Variants in SUFU observed in about 807,000 individuals in gnomAD.
The protein encoded by SUFU is SUFU negative regulator of hedgehog signaling.
Under a neutral mutation model 58.9 loss-of-function variants are expected in SUFU, and 7 were observed. The ratio of observed to expected loss-of-function variants is 0.12; its 90% CI spans 0.07 to 0.22. SUFU has a LOEUF of 0.22. Ranked by LOEUF, SUFU falls within the 10% of genes least tolerant of loss-of-function variation. SUFU has a pLI of 1.00. For synonymous variants in SUFU, 232 were observed against 254.8 expected (o/e 0.91, Z 0.85); for missense variants, 451 against 641.3 (o/e 0.70, Z 3.20).
At chr10:102,575,976 A>G (rs1351400944) in intron 3 of SUFU, among the ~76,000 whole-genome samples, 1 of 150,226 alleles carries the variant, frequency 6.7e-6, no homozygotes, top group Non-Finnish European at 1.5e-5. Context: ...GGCTGGGTCT[A>G]CTGGCACATG....
intron 3 of SUFU, among the ~76,000 whole-genome samples, chr10:102,559,375 A>G (rs1477273603): frequency 6.6e-6 from 1 of 151,022 alleles, no homozygotes; most frequent in South Asian, 2.1e-4. Flanking sequence ...AACACTCCCC[A>G]CCTAAGAAGC....
At chr10:102,610,887 G>A (rs1290546967) in intron 8 of SUFU, among the ~76,000 whole-genome samples, 3 of 152,232 alleles carry the variant, frequency 2.0e-5, no homozygotes, top group Non-Finnish European at 4.4e-5. Context: ...TCCCATGGGA[G>A]AAAGCCCGAG....
chr10:102,619,566 AC>A lies in SUFU; in HGVS notation c.1296+2141del. ...CGGAGGCCCCACACCCCAAGCACCC[AC>A]CCTTGATCACCGAGGGGTTTCTCAG... On this transcript the variant is annotated intron_variant, in intron 10 of 11. Coordinates refer to ENST00000369902, the MANE Select transcript of SUFU (RefSeq NM_016169.4). This position sits in a 1 kb window ranked among gnomAD's most constrained non-coding sequence, Gnocchi z 4.2. 2.1e-6 allele frequency: 2 copies of A among 962,154 alleles called. No homozygotes were observed. The highest frequency in any genetic ancestry group is 2.5e-6 in the Non-Finnish European group (2 of 785,774). 59.6% of individuals were successfully genotyped at this position (962,154 alleles called of 1,614,324 possible).
intron 2 of SUFU, among the ~76,000 whole-genome samples, chr10:102,524,364 T>C (rs1341554239): frequency 6.7e-6 from 1 of 149,566 alleles, no homozygotes; most frequent in Non-Finnish European, 1.5e-5. Flanking sequence ...CTAGCTCTGT[T>C]GCCCAGGCTG....
intron 3 of SUFU, among the ~76,000 whole-genome samples, chr10:102,578,041 C>T (rs2063232001): frequency 6.7e-6 from 1 of 149,898 alleles, no homozygotes; most frequent in Non-Finnish European, 1.5e-5. Context: ...AGGCTGGTGG[C>T]TCATGCCTGT....
chr10:102,560,662 G>T (rs939578088), intron 3 of SUFU, among the ~76,000 whole-genome samples: 1 of 152,072 alleles, frequency 6.6e-6, no homozygotes, highest in African/African-American at 2.4e-5. Context: ...ACTATCATTT[G>T]GACATCTGTC....
At position 102,586,621 on chromosome 10, in the gene SUFU, C is replaced by T. The variant is rs1446460446; in HGVS notation, c.455-5961C>T. Among the ~76,000 whole-genome samples, 6 of 152,186 alleles carry T rather than the reference C, an allele frequency of 3.9e-5. No individual in the cohort carries two copies. In the East Asian group the frequency reaches 5.8e-4, roughly 15 times the overall value. ...TCGGGAGGCGGAGCTTGCAGTGAGCCGAGATCACGCCACCGCACTCTAGCC... is the reference window on the plus strand; with the variant it reads ...TCGGGAGGCGGAGCTTGCAGTGAGCTGAGATCACGCCACCGCACTCTAGCC... On this transcript the variant is annotated intron_variant, in intron 3 of 11. Coordinates refer to ENST00000369902, the MANE Select transcript of SUFU (RefSeq NM_016169.4).
chr10:102,606,562 T>C (rs1187976711), intron 8 of SUFU, among the ~76,000 whole-genome samples: 1 of 152,110 alleles, frequency 6.6e-6, no homozygotes, highest in East Asian at 1.9e-4. Context: ...GTGGTGTGAC[T>C]CTAGATCTGA....
At chr10:102,582,590 G>GT (rs1206527446) in intron 3 of SUFU, among the ~76,000 whole-genome samples, 2 of 152,274 alleles carry the variant, frequency 1.3e-5, no homozygotes, top group East Asian at 3.9e-4. Context: ...TTGCCCAGGA[G>GT]TTGTTTGTTA....
intron 8 of SUFU, among the ~76,000 whole-genome samples, chr10:102,599,750 C>T (rs1054147699): frequency 1.3e-5 from 2 of 152,146 alleles, no homozygotes; most frequent in African/African-American, 2.4e-5. Context: ...CCCAGCAGAC[C>T]GTGAATATTA....
intron 2 of SUFU, among the ~76,000 whole-genome samples, chr10:102,536,712 T>A (rs7921939): frequency 0.99 from 150,960 of 152,342 alleles, 74,813 homozygotes; most frequent in South Asian, 1. Context: ...AATTTCGTAT[T>A]TACATCAACA....
At chr10:102,612,186 T>G (rs1168358321) in intron 8 of SUFU, among the ~76,000 whole-genome samples, 1 of 46,776 alleles carries the variant, frequency 2.1e-5, no homozygotes, top group African/African-American at 8.0e-5. Flanking sequence ...TGTGTGTGTG[T>G]GTGTGTGTGT....
At chr10:102,627,561 G>A (rs2063797130) in intron 11 of SUFU, among the ~76,000 whole-genome samples, 1 of 152,234 alleles carries the variant, frequency 6.6e-6, no homozygotes, top group African/African-American at 2.4e-5. Flanking sequence ...GGGCCTTCAG[G>A]CTAGTACGAG....
At chr10:102,530,875 G>C (rs1373390013) in intron 2 of SUFU, among the ~76,000 whole-genome samples, 2 of 152,070 alleles carry the variant, frequency 1.3e-5, no homozygotes, top group East Asian at 3.9e-4. Flanking sequence ...AGAAAGCAGT[G>C]GTCAAATAGA....
At chr10:102,534,926 A>G (rs1048488234) in intron 2 of SUFU, among the ~76,000 whole-genome samples, 4 of 152,100 alleles carry the variant, frequency 2.6e-5, no homozygotes, top group African/African-American at 4.8e-5. Context: ...GGAGATGTGT[A>G]TGTGTGTGCA....
At chr10:102,572,902 A>G in intron 3 of SUFU, 2 of 845,018 alleles carry the variant, frequency 2.4e-6, no homozygotes, top group South Asian at 1.3e-5. Context: ...AGCCTATTTG[A>G]TCTGGTGCTT....
chr10:102,558,355 T>G (rs2063002543), intron 3 of SUFU, among the ~76,000 whole-genome samples: 1 of 152,160 alleles, frequency 6.6e-6, no homozygotes. Context: ...CGACTACAGG[T>G]GCACACCACC....
In SUFU at chr10:102,628,105, G is replaced by A. The variant is rs1469900492; in HGVS notation, c.1365+862G>A. Among the ~76,000 whole-genome samples, 2 of 152,272 alleles carry A rather than the reference G, an allele frequency of 1.3e-5. No individual in the cohort carries two copies. The highest frequency in any genetic ancestry group is 4.8e-5 in the African/African-American group (2 of 41,550). Reference sequence around the variant, plus strand: ...CCTGTCTGCCAGGAAATGTGCTTGGGGGAGAACTCCTTCGCCTCCCAGGGG... The same window carrying A: ...CCTGTCTGCCAGGAAATGTGCTTGGAGGAGAACTCCTTCGCCTCCCAGGGG... On this transcript the variant is annotated intron_variant, in intron 11 of 11. Transcript: ENST00000369902. This position sits in a 1 kb window ranked among gnomAD's most constrained non-coding sequence, Gnocchi z 4.5.
At chr10:102,624,525 A>T (rs1341919778) in intron 10 of SUFU, among the ~76,000 whole-genome samples, 1 of 152,184 alleles carries the variant, frequency 6.6e-6, no homozygotes, top group Admixed American at 6.5e-5. Flanking sequence ...TTCCCCTTTA[A>T]TTCTTTTAAA....
Sources: allele counts gnomAD v4.1 joint callset (sites outside exome capture counted in the v4.1 genomes callset), GRCh38; gene constraint gnomAD v4.1.1; non-coding constraint Gnocchi (gnomAD v3.1); transcripts MANE v1.5; gene names NCBI Gene and HGNC (gene_info 2026-07-23, HGNC 2026-07-21).